Variants in CLMP observed in about 807,000 individuals in gnomAD.
The protein encoded by CLMP is CXADR-like membrane protein.
CLMP carries 27 observed loss-of-function variants against 45.2 expected under a neutral mutation model. That is an observed-to-expected ratio of 0.60 (90% CI 0.44 to 0.82). The LOEUF is 0.82. Ranked by LOEUF, CLMP falls within the 40% of genes least tolerant of loss-of-function variation. CLMP has a pLI of 0.00. For missense variants in CLMP, 403 were observed against 448.4 expected, an observed-to-expected ratio of 0.90 and a Z score of 0.91; for synonymous variants, 167 against 171.4, an observed-to-expected ratio of 0.97 and a Z score of 0.20.
At chr11:123,143,530 C>G (rs2135519000) in intron 1 of CLMP, among the ~76,000 whole-genome samples, 1 of 150,520 alleles carries the variant, frequency 6.6e-6, no homozygotes, top group South Asian at 2.1e-4. Context: ...GCGGGGGGGG[C>G]ATGAGACAGG....
chr11:123,118,925 TTTCTTTTC>T (rs1860754332), intron 1 of CLMP, among the ~76,000 whole-genome samples: 1 of 134,522 alleles, frequency 7.4e-6, no homozygotes, highest in African/African-American at 3.1e-5. Flanking sequence ...TGCATTTTCT[TTTCTTTTC>T]TTTCTTTCTT....
At chr11:123,121,935 G>A (rs1282153026) in intron 1 of CLMP, among the ~76,000 whole-genome samples, 1 of 151,976 alleles carries the variant, frequency 6.6e-6, no homozygotes, top group Admixed American at 6.6e-5. Context: ...GTAGAGATGG[G>A]GTTTTGCCAT....
intron 1 of CLMP, among the ~76,000 whole-genome samples, chr11:123,124,566 T>G (rs374241128): frequency 3.0e-4 from 46 of 152,370 alleles, no homozygotes; most frequent in African/African-American, 1.1e-3. Context: ...TGCAATAATC[T>G]AACAACCATC....
intron 1 of CLMP, among the ~76,000 whole-genome samples, chr11:123,139,842 G>GAATAA (rs200387134): frequency 6.8e-6 from 1 of 147,108 alleles, no homozygotes; most frequent in Non-Finnish European, 1.5e-5. Context: ...AAATAAAATA[G>GAATAA]AATAAAATAA....
At chr11:123,167,328 C>T (rs1481605771) in intron 1 of CLMP, among the ~76,000 whole-genome samples, 1 of 152,146 alleles carries the variant, frequency 6.6e-6, no homozygotes, top group Non-Finnish European at 1.5e-5. Context: ...CTCTGTCACC[C>T]TGGCTGGAAC....
chr11:123,148,432 G>A (rs1861268830), intron 1 of CLMP, among the ~76,000 whole-genome samples: 1 of 152,188 alleles, frequency 6.6e-6, no homozygotes, highest in Non-Finnish European at 1.5e-5. Flanking sequence ...CCTGCCTATG[G>A]CAAAAGAATG....
intron 1 of CLMP, among the ~76,000 whole-genome samples, chr11:123,102,155 G>C (rs2135483714): frequency 6.6e-6 from 1 of 151,520 alleles, no homozygotes; most frequent in South Asian, 2.1e-4. Context: ...CTGCACTCCA[G>C]CATGGGTGAC....
intron 1 of CLMP, among the ~76,000 whole-genome samples, chr11:123,163,934 G>C (rs1274002007): frequency 6.6e-6 from 1 of 152,078 alleles, no homozygotes; most frequent in African/African-American, 2.4e-5. Context: ...TCGTCTACAG[G>C]TTCCCTCTGT....
At chr11:123,150,177 G>GA (rs1861293113) in intron 1 of CLMP, among the ~76,000 whole-genome samples, 1 of 143,952 alleles carries the variant, frequency 6.9e-6, no homozygotes, top group Admixed American at 7.3e-5. Context: ...GAAGTAGTTG[G>GA]AAAAAAATGC....
At chr11:123,127,110 C>CT (rs987325234) in intron 1 of CLMP, among the ~76,000 whole-genome samples, 87 of 151,122 alleles carry the variant, frequency 5.8e-4, no homozygotes, top group African/African-American at 1.7e-3. Flanking sequence ...TAAATAATTT[C>CT]TTTTTTTTTC....
At position 123,131,738 on chromosome 11, in the gene CLMP, C is replaced by G. The variant is rs563766807; in HGVS notation, c.29-33786G>C. On this transcript the variant is annotated intron_variant, in intron 1 of 6. Coordinates refer to ENST00000448775, the MANE Select transcript of CLMP (RefSeq NM_024769.5). ...TTGAGTGATTCTCCTGCCTCAGCCT[C>G]CCGAGTAGCTGGGATTACAGGTATG... 5.9e-5 allele frequency among the ~76,000 whole-genome samples: 9 copies of G among 152,146 alleles called. No individual in the cohort carries two copies. The South Asian group carries it at 1.7e-3, about 28-fold the overall frequency.
At chr11:123,193,991 C>T (rs1480494380) in intron 1 of CLMP, among the ~76,000 whole-genome samples, 1 of 152,148 alleles carries the variant, frequency 6.6e-6, no homozygotes, top group Admixed American at 6.5e-5. Flanking sequence ...TCCCATGCTT[C>T]AGGGTGCATA....
chr11:123,097,057 G>T (rs116080542), intron 2 of CLMP, among the ~76,000 whole-genome samples: 4,825 of 152,208 alleles, frequency 0.032, 274 homozygotes, highest in African/African-American at 0.11. Context: ...TCACTTTGTT[G>T]CCCAGGCTGG....
chr11:123,185,070 T>C (rs1861816497), intron 1 of CLMP, among the ~76,000 whole-genome samples: 3 of 152,124 alleles, frequency 2.0e-5, no homozygotes, highest in South Asian at 4.2e-4. Flanking sequence ...GGGAGGGAGC[T>C]GGTCAGGGTA....
At chr11:123,124,307 C>T (rs56729363) in intron 1 of CLMP, among the ~76,000 whole-genome samples, 1,947 of 152,212 alleles carry the variant, frequency 0.013, 41 homozygotes, top group African/African-American at 0.043. Context: ...TGAACTACCA[C>T]GCACAGCTTA....
intron 1 of CLMP, among the ~76,000 whole-genome samples, chr11:123,164,593 C>A (rs550063540): frequency 1.3e-5 from 2 of 152,102 alleles, no homozygotes; most frequent in East Asian, 3.9e-4. Flanking sequence ...TGTGAGCCAC[C>A]ATGCCTGGCT....
At position 123,109,405 on chromosome 11, in the gene CLMP, T is replaced by TC. The variant is rs1860607867; in HGVS notation, c.29-11454_29-11453insG. On this transcript the variant is annotated intron_variant, in intron 1 of 6. Coordinates refer to ENST00000448775, the MANE Select transcript of CLMP (RefSeq NM_024769.5). ...TGAGAGCCAATGTTATCAACTCTTT[T>TC]AGAGAAGAGAAGACTGAGGATGACC... Among the ~76,000 whole-genome samples the TC allele has an allele frequency of 2.6e-5, 4 of 152,202 alleles. No individual in the cohort carries two copies. The South Asian group carries it at 8.3e-4, about 32-fold the overall frequency.
At chr11:123,154,068 T>C (rs921609964) in intron 1 of CLMP, among the ~76,000 whole-genome samples, 8 of 152,152 alleles carry the variant, frequency 5.3e-5, no homozygotes, top group Admixed American at 5.2e-4. Context: ...ACACCTATCA[T>C]AATGCTGACC....
At chr11:123,117,511 C>G (rs923757657) in intron 1 of CLMP, among the ~76,000 whole-genome samples, 16 of 152,196 alleles carry the variant, frequency 1.1e-4, no homozygotes, top group African/African-American at 3.9e-4. Flanking sequence ...ACTGCAGCCT[C>G]TGCCTCCTGA....
Sources: allele counts gnomAD v4.1 joint callset (sites outside exome capture counted in the v4.1 genomes callset), GRCh38; gene constraint gnomAD v4.1.1; transcripts MANE v1.5; gene names NCBI Gene and HGNC (gene_info 2026-07-23, HGNC 2026-07-21).